The following WDR64 variants were observed in gnomAD, a reference collection of about 807,000 sequenced individuals.
WDR64 encodes WD repeat domain 64, also known as WD repeat-containing protein 64.
In WDR64, 112 loss-of-function variants were observed where a neutral mutation model predicts 139.3. The observed-to-expected ratio is 0.80, with a 90% CI of 0.69 to 0.94. The LOEUF is 0.94. Ranked by LOEUF, WDR64 falls within the 40% of genes least tolerant of loss-of-function variation. WDR64 has a pLI of 0.00. For missense variants in WDR64, 1,206 were observed against 1,293.1 expected (o/e 0.93, Z 1.03); for synonymous variants, 444 against 437.7 (o/e 1.01, Z -0.18).
chr1:241,773,034 T>G (rs1362870560), intron 20 of WDR64, 103 bp downstream of exon 20: 2 of 1,324,924 alleles, frequency 1.5e-6, no homozygotes, highest in Non-Finnish European at 2.0e-6. Context: ...AATTATAATA[T>G]TTTTTCAACT....
chr1:241,674,597 A>G, intron 3 of WDR64, 47 bp from the exon 4 acceptor site: 1 of 1,272,380 alleles, frequency 7.9e-7, no homozygotes, highest in East Asian at 2.6e-5. Context: ...AATGAGTTTC[A>G]GCACCTTTAC....
chr1:241,720,194 C>A (rs6429296), intron 9 of WDR64, among the ~76,000 whole-genome samples: 117,448 of 152,040 alleles, frequency 0.77, 45,680 homozygotes, highest in Non-Finnish European at 0.82. Context: ...TTCTTTATCC[C>A]ATCTATCATC....
At chr1:241,715,179 T>C (rs1668356437) in intron 9 of WDR64, among the ~76,000 whole-genome samples, 2 of 152,232 alleles carry the variant, frequency 1.3e-5, no homozygotes. Context: ...AGTTTCTTGA[T>C]ACTTGGTAGT....
At chr1:241,699,287 T>G (rs984261210) in intron 8 of WDR64, among the ~76,000 whole-genome samples, 3 of 152,200 alleles carry the variant, frequency 2.0e-5, no homozygotes, top group Non-Finnish European at 4.4e-5. Context: ...AACATTCACT[T>G]TCTGATTACT....
At chr1:241,698,738 C>T (rs1667589780) in intron 8 of WDR64, among the ~76,000 whole-genome samples, 1 of 152,112 alleles carries the variant, frequency 6.6e-6, no homozygotes, top group South Asian at 2.1e-4. Context: ...TCAGATGGTA[C>T]CTACTCCAGG....
chr1:241,757,568 C>G, intron 15 of WDR64, 109 bp downstream of exon 15: 1 of 1,036,534 alleles, frequency 9.6e-7, no homozygotes, highest in Non-Finnish European at 1.3e-6. Flanking sequence ...TGTGTTATCA[C>G]TCAGCTTCGA....
At chr1:241,695,120 A>G (rs1667434405) in intron 8 of WDR64, among the ~76,000 whole-genome samples, 1 of 152,202 alleles carries the variant, frequency 6.6e-6, no homozygotes, top group Non-Finnish European at 1.5e-5. Flanking sequence ...AATCAAACAA[A>G]CAAACAAACA....
At chr1:241,714,592 A>AT (rs144786340) in intron 9 of WDR64, among the ~76,000 whole-genome samples, 4 of 151,546 alleles carry the variant, frequency 2.6e-5, no homozygotes, top group African/African-American at 9.7e-5. Context: ...CATAAAGTTA[A>AT]TTTTTTTTTC....
chr1:241,748,897 C>G (rs1410102239), intron 13 of WDR64, among the ~76,000 whole-genome samples: 2 of 150,364 alleles, frequency 1.3e-5, no homozygotes, highest in African/African-American at 4.9e-5. Context: ...CCGAGATCGC[C>G]ACTGCACTCC....
chr1:241,713,836 T>C (rs1466226738), intron 9 of WDR64, among the ~76,000 whole-genome samples: 1 of 152,192 alleles, frequency 6.6e-6, no homozygotes, highest in Non-Finnish European at 1.5e-5. Context: ...GGAAATTAAT[T>C]ATTCATAAGA....
chr1:241,652,680 G>A, intron 1 of WDR64, 51 bp downstream of exon 1: 1 of 1,536,748 alleles, frequency 6.5e-7, no homozygotes, highest in Non-Finnish European at 8.8e-7. Flanking sequence ...GGTTAGAACT[G>A]GAAAATGTTT....
intron 23 of WDR64, among the ~76,000 whole-genome samples, chr1:241,787,350 C>G (rs1214322234): frequency 8.6e-6 from 1 of 116,402 alleles, no homozygotes; most frequent in African/African-American, 3.5e-5. Context: ...GGCGACAGAG[C>G]GAGACTCCTC....
At chr1:241,768,248 G>T (rs1558516320) in intron 16 of WDR64, among the ~76,000 whole-genome samples, 2 of 152,188 alleles carry the variant, frequency 1.3e-5, no homozygotes, top group Non-Finnish European at 2.9e-5. Flanking sequence ...CCTATAGGCA[G>T]ATGATTATAT....
At chr1:241,714,582 C>T (rs1668328250) in intron 9 of WDR64, among the ~76,000 whole-genome samples, 1 of 149,862 alleles carries the variant, frequency 6.7e-6, no homozygotes, top group African/African-American at 2.4e-5. Flanking sequence ...CCCCTAAGGG[C>T]ATAAAGTTAA....
At chr1:241,777,760 A>G (rs968915507) in intron 21 of WDR64, among the ~76,000 whole-genome samples, 1 of 152,106 alleles carries the variant, frequency 6.6e-6, no homozygotes, top group African/African-American at 2.4e-5. Flanking sequence ...TTCCCTTGAG[A>G]TTTATTCTTT....
At chr1:241,788,179 T>C in intron 24 of WDR64, 145 bp downstream of exon 24, 1 of 621,392 alleles carries the variant, frequency 1.6e-6, no homozygotes, top group Non-Finnish European at 2.5e-6. Flanking sequence ...GAAATGTATG[T>C]AAACAAAGCT....
rs567218301 is a variant in WDR64 at position 241,732,828 on chromosome 1, A to C, written c.1195-5535A>C. On this transcript the variant is annotated intron_variant, in intron 10 of 27. Transcript: ENST00000437684. Reference sequence around the variant, plus strand: ...AGAGTGAAACTCTGTCAAAAAAAAAACCAAAAAAACAAAAAAACAAAAAAC... The same window carrying C: ...AGAGTGAAACTCTGTCAAAAAAAAACCCAAAAAAACAAAAAAACAAAAAAC... 4.0e-3 allele frequency among the ~76,000 whole-genome samples: 604 copies of C among 151,414 alleles called. 4 individuals carry two copies. Among genetic ancestry groups the C allele is most frequent in the African/African-American group, 0.014 (561 of 41,032 alleles).
At chr1:241,671,378 C>T (rs1353399226) in intron 3 of WDR64, among the ~76,000 whole-genome samples, 2 of 152,040 alleles carry the variant, frequency 1.3e-5, no homozygotes, top group Non-Finnish European at 2.9e-5. Flanking sequence ...ATTATAATTT[C>T]TTTGAAGGAC....
rs1237771842 is a variant in WDR64 at position 241,735,533 on chromosome 1, C to CCCTTTTTTTTTTTTTTTTTTTTTT, written c.1195-2830_1195-2829insCCTTTTTTTTTTTTTTTTTTTTTT. Among the ~76,000 whole-genome samples, 83 of 103,488 alleles carry CCCTTTTTTTTTTTTTTTTTTTTTT rather than the reference C, an allele frequency of 8.0e-4. 9 individuals carry two copies. The highest frequency in any genetic ancestry group is 1.0e-3 in the South Asian group (3 of 2,868). The allele number at this position is 103,488 out of a possible 152,430, so 67.9% of individuals were successfully genotyped here. A position where few individuals can be genotyped will look rare whatever the true frequency, so the allele number is the denominator to read the frequency against. ...GTTCTCTGTCTCTCTCTCTCTCTCT[C>CCCTTTTTTTTTTTTTTTTTTTTTT]TTTTTTTTTTTTTTTTTTTGATACG... On this transcript the variant is annotated intron_variant, in intron 10 of 27. Coordinates refer to ENST00000437684, the MANE Select transcript of WDR64 (RefSeq NM_001367482.1).
Sources: allele counts gnomAD v4.1 joint callset (sites outside exome capture counted in the v4.1 genomes callset), GRCh38; gene constraint gnomAD v4.1.1; transcripts MANE v1.5; gene names NCBI Gene and HGNC (gene_info 2026-07-23, HGNC 2026-07-21).